The following ANKRD30B variants were observed in gnomAD, a reference collection of about 807,000 sequenced individuals.
ANKRD30B encodes the protein ankyrin repeat domain-containing protein 30B.
A neutral mutation model predicts 202.2 loss-of-function variants in ANKRD30B; 144 were observed. The ratio of observed to expected loss-of-function variants is 0.71; its 90% confidence interval spans 0.62 to 0.82. The LOEUF (loss-of-function observed/expected upper bound fraction) is 0.82, where lower values mean the gene tolerates loss of function less well. Ranked by LOEUF, ANKRD30B falls within the 40% of genes least tolerant of loss-of-function variation. ANKRD30B has a pLI of 0.00. For synonymous variants in ANKRD30B, 508 were observed against 561.3 expected (o/e 0.91, Z 1.34); for missense variants, 1,487 against 1,669.1 (o/e 0.89, Z 1.90).
intron 34 of ANKRD30B, among the ~76,000 whole-genome samples, chr18:14,833,768 G>C (rs542461681): frequency 6.6e-6 from 1 of 152,238 alleles, no homozygotes; most frequent in East Asian, 1.9e-4. Context: ...TTCATCACAT[G>C]TCTTAGGGTA....
At chr18:14,849,104 ATAAT>A (rs1487485536) in intron 40 of ANKRD30B, among the ~76,000 whole-genome samples, 175 bp downstream of exon 40, 2 of 151,974 alleles carry the variant, frequency 1.3e-5, no homozygotes, top group African/African-American at 4.8e-5. Context: ...ACTTCCACTG[ATAAT>A]TAATGCATAT....
intron 15 of ANKRD30B, among the ~76,000 whole-genome samples, chr18:14,790,403 C>T (rs1365704641): frequency 6.6e-6 from 1 of 152,100 alleles, no homozygotes; most frequent in Non-Finnish European, 1.5e-5. Flanking sequence ...CCTAAATGCC[C>T]TGGCCAGAAC....
At chr18:14,937,351 C>T in the ANKRD30B span, among the ~76,000 whole-genome samples, 28 of 152,174 alleles carry the variant, frequency 1.8e-4, no homozygotes, top group Admixed American at 9.2e-4. Flanking sequence ...GGCAGGAGAA[C>T]AGGGAGTTAG....
the ANKRD30B span, among the ~76,000 whole-genome samples, chr18:14,939,308 A>G: frequency 5.3e-5 from 8 of 152,296 alleles, no homozygotes; most frequent in East Asian, 1.4e-3. Context: ...AGCTCATCCT[A>G]CACTGTCCCA....
chr18:14,922,907 G>C, the ANKRD30B span, among the ~76,000 whole-genome samples: 1 of 152,122 alleles, frequency 6.6e-6, no homozygotes, highest in African/African-American at 2.4e-5. Context: ...AAGAAGACTT[G>C]GTTTTGCATC....
At chr18:14,786,422 CGTT>C (rs1157306263) in intron 14 of ANKRD30B, among the ~76,000 whole-genome samples, 2 of 152,088 alleles carry the variant, frequency 1.3e-5, no homozygotes, top group African/African-American at 4.8e-5. Flanking sequence ...AGCAGTGTGT[CGTT>C]GTAATTAAAG....
the ANKRD30B span, among the ~76,000 whole-genome samples, chr18:14,911,384 T>A: frequency 6.6e-6 from 1 of 152,144 alleles, no homozygotes; most frequent in Non-Finnish European, 1.5e-5. Context: ...ATACAGTGTC[T>A]TTTCTCCAGT....
the ANKRD30B span, chr18:14,890,178 T>C: frequency 4.7e-6 from 3 of 634,154 alleles, no homozygotes; most frequent in Non-Finnish European, 8.3e-6. Context: ...ATTTCTGTTT[T>C]AATCGGAAGT....
At chr18:14,926,437 T>C in the ANKRD30B span, among the ~76,000 whole-genome samples, 2 of 152,192 alleles carry the variant, frequency 1.3e-5, no homozygotes, top group African/African-American at 4.8e-5. Flanking sequence ...TGATGACCTG[T>C]GTGGGCAGCT....
chr18:14,886,949 G>A, the ANKRD30B span, among the ~76,000 whole-genome samples: 1 of 152,096 alleles, frequency 6.6e-6, no homozygotes, highest in Non-Finnish European at 1.5e-5. Context: ...GGTCGTATAG[G>A]TCAACCACAG....
chr18:14,926,379 G>T, the ANKRD30B span, among the ~76,000 whole-genome samples: 180 of 152,278 alleles, frequency 1.2e-3, 2 homozygotes, highest in East Asian at 0.02. Flanking sequence ...CTCCAGCCTG[G>T]GATTTGCCCA....
chr18:14,787,046 G>A lies in ANKRD30B; in HGVS notation c.1680G>A (p.Met560Ile), dbSNP rs778877249. The change falls in exon 15 of 44, where the codon ATG (methionine) becomes ATA (isoleucine). Residue 560 changes from methionine to isoleucine, a missense_variant. Coordinates refer to ENST00000690538, the MANE Select transcript of ANKRD30B (RefSeq NM_001367607.2). ...KNEQTLRAAQ[M>I]FPSESKQKDD... is the part of the protein sequence containing the mutation. ...GTGATTAACCTTTTATAGCTCAGAT[G>A]TTCCCATCAGAATCCAAACAAAAGG... 37 of 1,609,194 alleles carry A rather than the reference G, an allele frequency of 2.3e-5. No individual in the cohort carries two copies. In the South Asian group the frequency reaches 3.7e-4, roughly 16 times the overall value.
intron 30 of ANKRD30B, among the ~76,000 whole-genome samples, chr18:14,817,954 T>G (rs2144094549): frequency 6.6e-6 from 1 of 152,276 alleles, no homozygotes; most frequent in Non-Finnish European, 1.5e-5. Flanking sequence ...TTTAGAGAGT[T>G]TATATCCCTG....
chr18:14,769,157 T>C (rs1007751341), intron 7 of ANKRD30B, among the ~76,000 whole-genome samples, 186 bp from the exon 8 acceptor site: 1 of 152,174 alleles, frequency 6.6e-6, no homozygotes, highest in Non-Finnish European at 1.5e-5. Flanking sequence ...TAAATTAAGT[T>C]GAAGTCTCGC....
the ANKRD30B span, among the ~76,000 whole-genome samples, chr18:14,922,893 AG>A: frequency 6.6e-6 from 1 of 152,146 alleles, no homozygotes. Context: ...TAGAGGAAAG[AG>A]GAAAGAAGAC....
At chr18:14,845,394 G>T (rs1290622999) in intron 39 of ANKRD30B, among the ~76,000 whole-genome samples, 13 of 152,162 alleles carry the variant, frequency 8.5e-5, no homozygotes, top group African/African-American at 3.1e-4. Flanking sequence ...AAGATCAGAG[G>T]GTAATTTTCA....
intron 5 of ANKRD30B, among the ~76,000 whole-genome samples, chr18:14,758,932 A>G (rs1374255359): frequency 1.3e-5 from 2 of 152,142 alleles, no homozygotes; most frequent in African/African-American, 4.8e-5. Context: ...TTATTCTGTA[A>G]AATCCCATGT....
chr18:14,874,503 A>G, the ANKRD30B span, among the ~76,000 whole-genome samples: 1 of 152,230 alleles, frequency 6.6e-6, no homozygotes, highest in Admixed American at 6.5e-5. Flanking sequence ...TTAACAATTA[A>G]TGATGTTTTC....
At chr18:14,921,595 C>T in the ANKRD30B span, among the ~76,000 whole-genome samples, 61 of 152,206 alleles carry the variant, frequency 4.0e-4, no homozygotes, top group East Asian at 4.8e-3. Context: ...CCTTCTAAAC[C>T]AAGCACTATG....
Sources: gnomAD v4.1 joint callset for allele counts (sites outside exome capture counted in the v4.1 genomes callset) on GRCh38, gnomAD v4.1.1 for gene constraint, MANE v1.5 for transcripts, NCBI Gene and HGNC (gene_info 2026-07-23, HGNC 2026-07-21) for gene names.